Variants in KIF9 observed in about 807,000 individuals in gnomAD.
KIF9 encodes the protein kinesin-like protein KIF9.
A neutral mutation model predicts 94.8 loss-of-function variants in KIF9; 68 were observed. That is an observed-to-expected ratio of 0.72 (90% CI 0.59 to 0.88). The LOEUF is 0.88. KIF9 is among the 40% of genes least tolerant of loss of function. The pLI, the probability that KIF9 is intolerant of heterozygous loss-of-function variation, is 0.00. For synonymous variants in KIF9, 343 were observed against 362.1 expected (o/e 0.95, Z 0.60); for missense variants, 882 against 982.5 (o/e 0.90, Z 1.37).
In KIF9 at chr3:47,243,189, T is replaced by C; in HGVS notation, c.1571A>G (p.Tyr524Cys). The change falls in exon 16 of 21, where the codon TAC (tyrosine) becomes TGC (cysteine). Residue 524 changes from tyrosine to cysteine, a missense_variant. Physicochemically the swap from Tyr to Cys is radical, Grantham distance 194. Transcript: ENST00000684063. Reference protein sequence around the residue: ...SSPVNGKDLDYVSTSKTQLVP... With the variant: ...SSPVNGKDLDCVSTSKTQLVP... ...CAGCTGGGTCTTGGAGGTGGAAACG[T>C]AATCCAAGTCCTTCCCATTCACAGG... is the stretch of plus-strand genomic sequence containing the variant. 1.9e-6 allele frequency: 3 copies of C among 1,613,822 alleles called. No individual in the cohort carries two copies. The highest frequency in any genetic ancestry group is 2.5e-6 in the Non-Finnish European group (3 of 1,179,830).
In KIF9 at chr3:47,240,926, T is replaced by C; in HGVS notation, c.1799A>G (p.Lys600Arg). The C allele has an allele frequency of 6.2e-7, 1 of 1,614,176 alleles. No individual in the cohort carries two copies. The highest frequency in any genetic ancestry group is 8.5e-7 in the Non-Finnish European group (1 of 1,180,036). ...SEINRIFKEN[K>R]SILNERRKRA... is the part of the protein sequence containing the mutation. ...TTTCCTCCGTTCATTCAAGATGGATTTGTTTTCTTTGAAAATTCGGTTGAT... is the reference window on the plus strand; with the variant it reads ...TTTCCTCCGTTCATTCAAGATGGATCTGTTTTCTTTGAAAATTCGGTTGAT... Residue 600 changes from lysine to arginine, a missense_variant, in exon 17 of 21, where the codon AAA becomes AGA. Lys to Arg is a conservative substitution (Grantham distance 26). Transcript: ENST00000684063.
intron 9 of KIF9, among the ~76,000 whole-genome samples, chr3:47,257,952 A>C (rs1185428100): frequency 2.0e-5 from 3 of 152,100 alleles, no homozygotes; most frequent in Non-Finnish European, 2.9e-5. Context: ...GCTCAGCTGA[A>C]AATCAGCTTC....
rs550346743 is a variant in KIF9 at position 47,272,945 on chromosome 3, G to C, written c.366+607C>G. Among the ~76,000 whole-genome samples the C allele has an allele frequency of 1.4e-4, 22 of 152,308 alleles. No homozygotes were observed. The South Asian group carries it at 4.1e-3, about 29-fold the overall frequency. On this transcript the variant is annotated intron_variant, in intron 4 of 20. Transcript: ENST00000684063. Reference sequence around the variant, plus strand: ...TCCTATAACACTTCTTATAGGACAGGGCTGTAAAGCTGCCTCTTGGCAGCT... The same window carrying C: ...TCCTATAACACTTCTTATAGGACAGCGCTGTAAAGCTGCCTCTTGGCAGCT...
chr3:47,239,890 G>C, intron 17 of KIF9: 1 of 1,367,944 alleles, frequency 7.3e-7, no homozygotes. Flanking sequence ...GCGAGGGAAA[G>C]CCCAGTAACC....
At chr3:47,263,240 T>C (rs1185584140) in intron 9 of KIF9, among the ~76,000 whole-genome samples, 9 of 152,122 alleles carry the variant, frequency 5.9e-5, no homozygotes, top group Non-Finnish European at 1.0e-4. Flanking sequence ...CAGAGGAAGG[T>C]TGGGAAAGCC....
rs1328499085 is a variant in KIF9, at chr3:47,248,275, G to GA, written c.1060-190dup. On this transcript the variant is annotated intron_variant, in intron 10 of 20. Transcript: ENST00000684063. Reference sequence around the variant, plus strand: ...CTGGTGACTCTTCCCTAACTGGGGTGAGTTTAGGGTCTGGGAGGACCTGAA... The same window carrying GA: ...CTGGTGACTCTTCCCTAACTGGGGTGAAGTTTAGGGTCTGGGAGGACCTGAA... 6.7e-6 allele frequency: 4 copies of GA among 595,700 alleles called. No homozygotes were observed. The African/African-American group carries it at 7.5e-5, about 11-fold the overall frequency. 36.9% of individuals were successfully genotyped at this position (595,700 alleles called of 1,614,324 possible).
At chr3:47,248,339 G>C (rs1700059137) in intron 10 of KIF9, 1 of 473,864 alleles carries the variant, frequency 2.1e-6, no homozygotes, top group South Asian at 3.2e-5. Flanking sequence ...AGAAGAGACA[G>C]CACAAGCCAC....
At position 47,271,384 on chromosome 3, in the gene KIF9, G is replaced by A. The variant is rs752910722; in HGVS notation, c.444C>T (p.Ser148=). 29 of 1,613,936 alleles carry A rather than the reference G, an allele frequency of 1.8e-5. No homozygotes were observed. In the South Asian group the frequency reaches 3.2e-4, roughly 18 times the overall value. The change falls in exon 5 of 21, where the codon AGC becomes AGT. Residue 148 remains serine (S), a synonymous_variant. Transcript: ENST00000684063. ...GCAGAGTGGACAGGAGATCAAACAGGCTCTCATTATAGATTTCCAAGTAGG... is the reference window on the plus strand; with the variant it reads ...GCAGAGTGGACAGGAGATCAAACAGACTCTCATTATAGATTTCCAAGTAGG... ...RVSYLEIYNE[S]LFDLLSTLPY...
intron 1 of KIF9, 131 bp from the exon 2 acceptor site, chr3:47,277,510 G>A: frequency 3.1e-6 from 2 of 639,850 alleles, no homozygotes; most frequent in Non-Finnish European, 2.7e-6. Flanking sequence ...CTGAAAGCCA[G>A]TTTTCCTTTT....
intron 3 of KIF9, 115 bp from the exon 4 acceptor site, chr3:47,273,773 G>A (rs1559468168): frequency 1.2e-6 from 1 of 845,160 alleles, no homozygotes; most frequent in Middle Eastern, 2.2e-4. Flanking sequence ...TGGCCAGTGG[G>A]GGCAGCCAAG....
At chr3:47,274,951 T>G (rs1389281661) in intron 3 of KIF9, among the ~76,000 whole-genome samples, 3 of 152,216 alleles carry the variant, frequency 2.0e-5, no homozygotes, top group African/African-American at 7.2e-5. Flanking sequence ...GTACATTGAT[T>G]GTGTTGGTAG....
chr3:47,246,260 G>T lies in KIF9; in HGVS notation c.1234-8C>A. ...CTGTCTAAGGCTGATTATCTGGAGG[G>T]AAGACAGCAAGGCAGAGGTTAGACC... is the stretch of plus-strand genomic sequence containing the variant. On this transcript the variant is annotated splice_region_variant and splice_polypyrimidine_tract_variant and intron_variant, in intron 12 of 20. Transcript: ENST00000684063. 1 of 1,610,482 alleles carries T rather than the reference G, an allele frequency of 6.2e-7. No individual in the cohort carries two copies.
chr3:47,258,588 G>C (rs1267634418), intron 9 of KIF9, among the ~76,000 whole-genome samples: 1 of 152,120 alleles, frequency 6.6e-6, no homozygotes, highest in Non-Finnish European at 1.5e-5. Flanking sequence ...TTCCCCTTTG[G>C]TGCTGTTCTC....
chr3:47,281,594 C>G (rs1017275816), intron 1 of KIF9, among the ~76,000 whole-genome samples: 1 of 152,176 alleles, frequency 6.6e-6, no homozygotes, highest in Non-Finnish European at 1.5e-5. Context: ...GCAATCCGCT[C>G]ACCTCAGCCT....
At chr3:47,231,902 T>A (rs760528715) in intron 20 of KIF9, 1 of 152,056 alleles carries the variant, frequency 6.6e-6, no homozygotes, top group Non-Finnish European at 1.5e-5. Flanking sequence ...ACGTAAAGAG[T>A]GAATTCAACT....
intron 1 of KIF9, among the ~76,000 whole-genome samples, chr3:47,279,081 G>A (rs1197410048): frequency 6.7e-6 from 1 of 148,798 alleles, no homozygotes; most frequent in Non-Finnish European, 1.5e-5. Flanking sequence ...AATCACTTGA[G>A]CCTGGGGAAG....
At chr3:47,282,042 C>T (rs779115143) in intron 1 of KIF9, 181 of 242,080 alleles carry the variant, frequency 7.5e-4, no homozygotes, top group Non-Finnish European at 2.2e-4. Flanking sequence ...ACTAGACTTT[C>T]TCCTTTTTCT....
chr3:47,233,533 CAA>C (rs61123180), intron 20 of KIF9, among the ~76,000 whole-genome samples: 14 of 129,260 alleles, frequency 1.1e-4, no homozygotes, highest in African/African-American at 2.3e-4. Context: ...CCATCTCTAC[CAA>C]AAAAAAAAAA....
chr3:47,276,470 C>T (rs1052782246), intron 2 of KIF9, among the ~76,000 whole-genome samples: 1 of 150,736 alleles, frequency 6.6e-6, no homozygotes, highest in African/African-American at 2.4e-5. Context: ...GCAGGACGAT[C>T]GCTTGAACCT....
Sources: allele counts gnomAD v4.1 joint callset (sites outside exome capture counted in the v4.1 genomes callset), GRCh38; gene constraint gnomAD v4.1.1; transcripts MANE v1.5; gene names NCBI Gene and HGNC (gene_info 2026-07-23, HGNC 2026-07-21).